The following ERAP1 variants were observed in gnomAD, a reference collection of about 807,000 sequenced individuals.
The protein encoded by ERAP1 is adipocyte-derived leucine aminopeptidase.
In ERAP1, 86 loss-of-function variants were observed where a neutral mutation model predicts 103.7. The observed-to-expected ratio is 0.83, with a 90% CI of 0.70 to 0.99. The LOEUF (loss-of-function observed/expected upper bound fraction) is 0.99, where lower values mean the gene tolerates loss of function less well. Ranked by LOEUF, ERAP1 falls within the 50% of genes least tolerant of loss-of-function variation. The probability of loss-of-function intolerance (pLI) is 0.00; values close to 1 mark genes in which losing one functional copy is unlikely to be tolerated. For missense variants in ERAP1, 1,009 were observed against 1,128.4 expected, an observed-to-expected ratio of 0.89 and a Z score of 1.52; for synonymous variants, 398 against 402.4, an observed-to-expected ratio of 0.99 and a Z score of 0.13.
chr5:96,911,783 G>A, the ERAP1 span, among the ~76,000 whole-genome samples: 1 of 150,706 alleles, frequency 6.6e-6, no homozygotes, highest in African/African-American at 2.5e-5. Context: ...TGAGGCAAGA[G>A]GATTGTGCAG....
At chr5:96,856,349 A>AAAATATATATATAT in the ERAP1 span, among the ~76,000 whole-genome samples, 1 of 8,536 alleles carries the variant, frequency 1.2e-4, no homozygotes, top group African/African-American at 3.6e-4. Flanking sequence ...AAAAAAAAAA[A>AAAATATATATATAT]ATATATATAT....
At chr5:96,820,120 A>G in the ERAP1 span, among the ~76,000 whole-genome samples, 1 of 152,210 alleles carries the variant, frequency 6.6e-6, no homozygotes, top group Admixed American at 6.5e-5. Flanking sequence ...GAAACAGCAA[A>G]AAAAGCTTTA....
the ERAP1 span, among the ~76,000 whole-genome samples, chr5:96,913,784 C>T: frequency 1.3e-5 from 2 of 152,190 alleles, no homozygotes; most frequent in Non-Finnish European, 2.9e-5. Context: ...AGAAGAATCC[C>T]AAGATGCCTT....
the ERAP1 span, chr5:96,902,207 G>T: frequency 1.8e-6 from 2 of 1,104,672 alleles, no homozygotes; most frequent in Non-Finnish European, 2.8e-6. Flanking sequence ...GTCTGTCTGA[G>T]TCTGACAATG....
chr5:96,884,212 G>A, the ERAP1 span, among the ~76,000 whole-genome samples: 2 of 152,092 alleles, frequency 1.3e-5, no homozygotes, highest in Admixed American at 6.6e-5. Context: ...TTAAATCTGT[G>A]TTTCTTGGCC....
the ERAP1 span, among the ~76,000 whole-genome samples, chr5:96,899,411 AAG>A: frequency 6.6e-6 from 1 of 152,212 alleles, no homozygotes; most frequent in Non-Finnish European, 1.5e-5. Flanking sequence ...GTGTCACATA[AAG>A]TCAATTCTAA....
chr5:96,802,991 G>A (rs904482498), intron 2 of ERAP1, among the ~76,000 whole-genome samples: 23 of 151,910 alleles, frequency 1.5e-4, no homozygotes, highest in African/African-American at 5.6e-4. Context: ...GAGGGAGCAC[G>A]GGCCTGCTGA....
the ERAP1 span, among the ~76,000 whole-genome samples, chr5:96,833,125 A>C: frequency 6.6e-6 from 1 of 152,222 alleles, no homozygotes; most frequent in Non-Finnish European, 1.5e-5. Flanking sequence ...GTTTTTTATA[A>C]GCCACCCAAA....
At chr5:96,896,681 T>G in the ERAP1 span, 1 of 1,517,462 alleles carries the variant, frequency 6.6e-7, no homozygotes, top group Non-Finnish European at 8.8e-7. Flanking sequence ...AAACATACCA[T>G]ACTACCATTT....
At chr5:96,915,784 G>A in the ERAP1 span, 1 of 1,570,314 alleles carries the variant, frequency 6.4e-7, no homozygotes, top group Non-Finnish European at 8.7e-7. Flanking sequence ...GTGACTTTCT[G>A]TTTTTAACAA....
At chr5:96,799,408 G>A (rs117680300) in intron 3 of ERAP1, among the ~76,000 whole-genome samples, 2 of 151,950 alleles carry the variant, frequency 1.3e-5, no homozygotes, top group East Asian at 3.9e-4. Context: ...AGGTATTCCC[G>A]TCCAAAGGGA....
At position 96,792,202 on chromosome 5, in the gene ERAP1, T is replaced by C. The variant is rs27640; in HGVS notation, c.1189-10A>G. The C allele has an allele frequency of 0.76, 1,219,753 of 1,610,884 alleles. 465,927 individuals are homozygous for C. Among genetic ancestry groups the C allele is most frequent in the Non-Finnish European group, 0.79 (928,935 of 1,177,350 alleles). On this transcript the variant is annotated splice_polypyrimidine_tract_variant and intron_variant, in intron 7 of 18. Transcript: ENST00000443439. Reference sequence around the variant, plus strand: ...CAAAGAAATAATCTCCCTATTGAGATAGAAAAAAGAAAACATCACCTATGA... The same window carrying C: ...CAAAGAAATAATCTCCCTATTGAGACAGAAAAAAGAAAACATCACCTATGA...
intron 18 of ERAP1, chr5:96,776,781 AGACTTT>A: frequency 1.8e-6 from 1 of 546,488 alleles, no homozygotes; most frequent in Non-Finnish European, 3.2e-6. Context: ...CTCAGTTGCC[AGACTTT>A]AAAAGACTTC....
In ERAP1 at chr5:96,789,411, G is replaced by A. The variant is rs551336326; in HGVS notation, c.1525-726C>T. On this transcript the variant is annotated intron_variant, in intron 10 of 18. Coordinates refer to ENST00000443439, the MANE Select transcript of ERAP1 (RefSeq NM_001040458.3). The stretch of plus-strand genomic sequence containing the variant: ...CTGAGGCAAGAGAATCGCTGGAACC[G>A]GGGAGGCAGAGGCTACAGTGAGCCG... Among the ~76,000 whole-genome samples the A allele has an allele frequency of 3.9e-5, 6 of 151,960 alleles. No individual in the cohort carries two copies. In the South Asian group the frequency reaches 6.3e-4, roughly 16 times the overall value.
the ERAP1 span, chr5:96,909,132 T>C: frequency 1.7e-4 from 278 of 1,612,092 alleles, no homozygotes; most frequent in South Asian, 2.8e-3. Context: ...GTGTTGCTTT[T>C]AGAAAATGTA....
At chr5:96,813,859 GTT>G in the ERAP1 span, among the ~76,000 whole-genome samples, 688 of 151,694 alleles carry the variant, frequency 4.5e-3, 3 homozygotes, top group Non-Finnish European at 6.1e-3. Flanking sequence ...GTGTTATAAT[GTT>G]TTTTTAGTGA....
At chr5:96,895,874 A>C in the ERAP1 span, among the ~76,000 whole-genome samples, 6,172 of 152,296 alleles carry the variant, frequency 0.041, 211 homozygotes, top group Middle Eastern at 0.12. Flanking sequence ...GTAATGGTTA[A>C]TTAGGTCTTT....
upstream of ERAP1, among the ~76,000 whole-genome samples, chr5:96,811,095 T>A (rs1053957929): frequency 6.6e-6 from 1 of 152,034 alleles, no homozygotes; most frequent in Non-Finnish European, 1.5e-5. Flanking sequence ...TTAATTTTTT[T>A]AAATGCCAAT....
At chr5:96,922,095 G>A in the ERAP1 span, among the ~76,000 whole-genome samples, 1 of 151,320 alleles carries the variant, frequency 6.6e-6, no homozygotes, top group East Asian at 1.9e-4. Context: ...TCAGGAGATC[G>A]AGACCATCCT....
Sources: allele counts gnomAD v4.1 joint callset (sites outside exome capture counted in the v4.1 genomes callset), GRCh38; gene constraint gnomAD v4.1.1; transcripts MANE v1.5; gene names NCBI Gene and HGNC (gene_info 2026-07-23, HGNC 2026-07-21).